The following SKOR2 variants were observed in gnomAD, a reference collection of about 807,000 sequenced individuals.
SKOR2 encodes the protein LBX1 corepressor 1-like protein.
A neutral mutation model predicts 69.1 loss-of-function variants in SKOR2; 47 were observed. That is an observed-to-expected ratio of 0.68 (90% CI 0.54 to 0.87). The LOEUF (loss-of-function observed/expected upper bound fraction) is 0.87, where lower values mean the gene tolerates loss of function less well. Among genes scored for constraint, SKOR2 ranks in the 40% least tolerant of loss-of-function variants. SKOR2 has a pLI of 0.00. For missense variants in SKOR2, 1,404 were observed against 1,472.2 expected, an observed-to-expected ratio of 0.95 and a Z score of 0.76; for synonymous variants, 717 against 672.6, an observed-to-expected ratio of 1.07 and a Z score of -1.02.
rs10670977 is a variant in SKOR2, at chr18:47,245,478, A to ATTTTTTTTTTTTTTTTTTTTTTTT, written c.2677+19_2677+20insAAAAAAAAAAAAAAAAAAAAAAAA. 2.0e-4 allele frequency: 234 copies of ATTTTTTTTTTTTTTTTTTTTTTTT among 1,198,204 alleles called. 5 individuals carry two copies. The highest frequency in any genetic ancestry group is 9.8e-4 in the African/African-American group (43 of 43,996). 74.2% of individuals were successfully genotyped at this position (1,198,204 alleles called of 1,614,324 possible). On this transcript the variant is annotated intron_variant, in intron 3 of 8. Transcript: ENST00000425639. ...ATGCAGGCAAGAAAAGTGGCAGCTGATTTTTTTTTTTTTTTTTACCTGAAA... is the reference window on the plus strand; with the variant it reads ...ATGCAGGCAAGAAAAGTGGCAGCTGATTTTTTTTTTTTTTTTTTTTTTTTTTTTTTTTTTTTTTTTTACCTGAAA...
chr18:47,233,069 G>A (rs918609417), intron 4 of SKOR2, among the ~76,000 whole-genome samples: 27 of 152,154 alleles, frequency 1.8e-4, no homozygotes, highest in African/African-American at 6.0e-4. Flanking sequence ...GTGTGTGTGT[G>A]TAGGTAAATA....
chr18:47,212,199 G>T (rs560040331), intron 7 of SKOR2, 48 bp from the exon 8 acceptor site: 1 of 1,228,366 alleles, frequency 8.1e-7, no homozygotes, highest in African/African-American at 1.6e-5. Context: ...TAGATTTGGA[G>T]ACAGATATGT....
intron 4 of SKOR2, among the ~76,000 whole-genome samples, chr18:47,235,557 C>T (rs1347887415): frequency 3.3e-5 from 5 of 152,074 alleles, no homozygotes; most frequent in Non-Finnish European, 7.4e-5. Flanking sequence ...ACCAGAGAGC[C>T]TGGAATGTCA....
At chr18:47,210,719 A>G (rs1177453804) in intron 8 of SKOR2, among the ~76,000 whole-genome samples, 1 of 152,174 alleles carries the variant, frequency 6.6e-6, no homozygotes, top group East Asian at 1.9e-4. Context: ...AACAGAGCCA[A>G]CCTCACGGGT....
At position 47,247,635 on chromosome 18, in the gene SKOR2, C is replaced by A; in HGVS notation, c.1549G>T (p.Gly517Cys). 7.4e-7 allele frequency: 1 copy of A among 1,345,118 alleles called. No individual in the cohort carries two copies. Among genetic ancestry groups the A allele is most frequent in the Non-Finnish European group, 9.5e-7 (1 of 1,050,968 alleles). 83.3% of individuals were successfully genotyped at this position (1,345,118 alleles called of 1,614,324 possible). A position where few individuals can be genotyped will look rare whatever the true frequency, so the allele number is the denominator to read the frequency against. The change falls in exon 2 of 9, where the codon GGC becomes TGC. Residue 517 changes from glycine to cysteine, a missense_variant. By Grantham distance (159) the Gly-to-Cys change is radical. Transcript: ENST00000425639. This position sits in a 1 kb window ranked among gnomAD's most constrained non-coding sequence, Gnocchi z 6.6. ...GCCTCGGCGCTCCCAGCAGCACCGC[C>A]TGGCTCAGCCAGGTCCAGGAAGGCC... The part of the protein sequence containing the change: ...RQAFLDLAEP[G>C]GAAGSAEAAP...
At position 47,247,218 on chromosome 18, in the gene SKOR2, G is replaced by T; in HGVS notation, c.1966C>A (p.His656Asn). The T allele has an allele frequency of 6.9e-7, 1 of 1,440,800 alleles. No homozygotes were observed. Among genetic ancestry groups the T allele is most frequent in the South Asian group, 1.4e-5 (1 of 72,994 alleles). 89.3% of individuals were successfully genotyped at this position (1,440,800 alleles called of 1,614,324 possible). Reference sequence around the variant, plus strand: ...TGGTGGTGGTGAGGGTGGTGATGGTGGTGGGGATGCGTCTGGGCCGAGTGG... The same window carrying T: ...TGGTGGTGGTGAGGGTGGTGATGGTTGTGGGGATGCGTCTGGGCCGAGTGG... ...APHSAQTHPH[H>N]HHHPHHHHHH... The change falls in exon 2 of 9, where the codon CAC becomes AAC. Residue 656 changes from histidine to asparagine, a missense_variant. Physicochemically the swap from His to Asn is moderately conservative, Grantham distance 68 (BLOSUM62 1). Around this residue, in one of 3 missense-constraint regions of SKOR2, gnomAD observed 1,266 missense variants for 1,309.9 expected, o/e 0.97. Transcript: ENST00000425639. This position sits in a 1 kb window ranked among gnomAD's most constrained non-coding sequence, Gnocchi z 6.6.
chr18:47,249,278 A>C, intron 1 of SKOR2, 48 bp from the exon 2 acceptor site: 2 of 1,389,804 alleles, frequency 1.4e-6, no homozygotes, highest in Non-Finnish European at 1.9e-6. Flanking sequence ...TCAGACTAAA[A>C]CAGAGGGGTG....
chr18:47,231,903 G>A (rs2064201310), intron 4 of SKOR2, among the ~76,000 whole-genome samples: 1 of 151,566 alleles, frequency 6.6e-6, no homozygotes, highest in African/African-American at 2.4e-5. Context: ...GTAATTGGGA[G>A]GCTGAGGCGG....
At chr18:47,229,350 T>A (rs780962672) in intron 6 of SKOR2, among the ~76,000 whole-genome samples, 3 of 152,102 alleles carry the variant, frequency 2.0e-5, no homozygotes, top group African/African-American at 7.2e-5. Flanking sequence ...TAAATATATA[T>A]AATTAGAAAA....
intron 6 of SKOR2, among the ~76,000 whole-genome samples, chr18:47,226,596 C>A (rs193132771): frequency 6.6e-6 from 1 of 152,260 alleles, no homozygotes; most frequent in East Asian, 1.9e-4. Context: ...AGTATTAAAA[C>A]AAGTTTCACT....
chr18:47,242,674 A>C (rs2064254257), intron 4 of SKOR2, among the ~76,000 whole-genome samples: 1 of 152,164 alleles, frequency 6.6e-6, no homozygotes, highest in Admixed American at 6.5e-5. Context: ...GATAAACGAA[A>C]TTCAGGGTTG....
Position 47,230,497 on chromosome 18 carries a change from A to G in SKOR2, c.2879T>C (p.Phe960Ser). Residue 960 changes from phenylalanine (F) to serine (S), a missense_variant, in exon 6 of 9, where the codon TTC becomes TCC. By Grantham distance (155) the Phe-to-Ser change is radical (BLOSUM62 -2). Transcript: ENST00000425639. ...AGATGTGTTTCCTTTTAACACCTGG[A>G]ATTCTTGTTCCAGTCGTCTCCGTAA... Reference protein sequence around the residue: ...IDLRRRLEQEFQVLKGNTSFP... With the variant: ...IDLRRRLEQESQVLKGNTSFP... 6.9e-7 allele frequency: 1 copy of G among 1,453,178 alleles called. No individual in the cohort carries two copies. Among genetic ancestry groups the G allele is most frequent in the Non-Finnish European group, 9.0e-7 (1 of 1,110,428 alleles). 90.0% of individuals were successfully genotyped at this position (1,453,178 alleles called of 1,614,324 possible). A position where few individuals can be genotyped will look rare whatever the true frequency, so the allele number is the denominator to read the frequency against.
rs1448392429 is a variant in SKOR2, at chr18:47,247,745, G to A, written c.1439C>T (p.Pro480Leu). 3 of 1,370,016 alleles carry A rather than the reference G, an allele frequency of 2.2e-6. No individual in the cohort carries two copies. Among genetic ancestry groups the A allele is most frequent in the African/African-American group, 1.5e-5 (1 of 64,980 alleles). 84.9% of individuals were successfully genotyped at this position (1,370,016 alleles called of 1,614,324 possible). ...FWPPRTPGGLPVPTYLQPPPQ... is the reference protein window; with the variant it reads ...FWPPRTPGGLLVPTYLQPPPQ... ...CGGGGGCTGCAGGTAGGTGGGCACCGGGAGCCCGCCAGGGGTCCGCGGCGG... is the reference window on the plus strand; with the variant it reads ...CGGGGGCTGCAGGTAGGTGGGCACCAGGAGCCCGCCAGGGGTCCGCGGCGG... The change falls in exon 2 of 9, where the codon CCG becomes CTG. Residue 480 changes from proline to leucine, a missense_variant. Around this residue, in one of 3 missense-constraint regions of SKOR2, gnomAD observed 1,266 missense variants for 1,309.9 expected, o/e 0.97. Coordinates refer to ENST00000425639, the MANE Select transcript of SKOR2 (RefSeq NM_001278063.4). This position sits in a 1 kb window ranked among gnomAD's most constrained non-coding sequence, Gnocchi z 6.6.
Position 47,249,143 on chromosome 18 carries a change from A to G in SKOR2, c.41T>C (p.Leu14Pro), listed in dbSNP as rs1319867808. ...SPLPGPNDIL[L>P]ASPSSAFQPD... ...CTGGAAGGCGCTCGACGGCGACGCC[A>G]GCAGGATGTCGTTGGGCCCTGGCAG... is the stretch of plus-strand genomic sequence containing the variant. Residue 14 changes from leucine to proline, a missense_variant, in exon 2 of 9, where the codon CTG becomes CCG. By Grantham distance (98) the Leu-to-Pro change is moderately conservative. Transcript: ENST00000425639. 1.3e-6 allele frequency: 2 copies of G among 1,535,702 alleles called. No individual in the cohort carries two copies. The highest frequency in any genetic ancestry group is 1.7e-6 in the Non-Finnish European group (2 of 1,146,652).
At chr18:47,220,458 G>A (rs571992033) in intron 6 of SKOR2, among the ~76,000 whole-genome samples, 1 of 152,140 alleles carries the variant, frequency 6.6e-6, no homozygotes, top group South Asian at 2.1e-4. Context: ...GTGAGTCTGT[G>A]AAAAATGCCT....
intron 7 of SKOR2, among the ~76,000 whole-genome samples, chr18:47,217,927 A>C (rs2064149179): frequency 6.6e-6 from 1 of 152,188 alleles, no homozygotes; most frequent in Admixed American, 6.5e-5. Context: ...TAGGAATGTG[A>C]ATTAACAACA....
intron 4 of SKOR2, among the ~76,000 whole-genome samples, chr18:47,240,749 T>C (rs2064244843): frequency 6.6e-6 from 1 of 152,214 alleles, no homozygotes; most frequent in Non-Finnish European, 1.5e-5. Flanking sequence ...CTAAACTGAA[T>C]TTTTTAAAGG....
chr18:47,247,336 G>T lies in SKOR2; in HGVS notation c.1848C>A (p.Gly616=). The T allele has an allele frequency of 6.8e-7, 1 of 1,475,056 alleles. No homozygotes were observed. Among genetic ancestry groups the T allele is most frequent in the East Asian group, 3.0e-5 (1 of 33,500 alleles). 91.4% of individuals were successfully genotyped at this position (1,475,056 alleles called of 1,614,324 possible). A position where few individuals can be genotyped will look rare whatever the true frequency, so the allele number is the denominator to read the frequency against. ...GGAAGGCGCTGGAATGGTGGTAGCT[G>T]CCACCGCCCGCTTTGCGCCCCTCCA... ...HLLEGRKAGG[G]SYHHSSAFRP... Residue 616 remains glycine, a synonymous_variant, in exon 2 of 9, where the codon GGC becomes GGA. Coordinates refer to ENST00000425639, the MANE Select transcript of SKOR2 (RefSeq NM_001278063.4). The surrounding 1 kb of genome is among the most constrained non-coding windows in gnomAD (Gnocchi z 6.6).
chr18:47,214,598 T>C (rs978507425), intron 7 of SKOR2, among the ~76,000 whole-genome samples: 6 of 152,210 alleles, frequency 3.9e-5, no homozygotes, highest in African/African-American at 1.4e-4. Flanking sequence ...GGAAACAACA[T>C]TATTTCACTG....
Sources: gnomAD v4.1 joint callset for allele counts (sites outside exome capture counted in the v4.1 genomes callset) on GRCh38, gnomAD v4.1.1 for gene constraint, gnomAD v4.1.1 regional missense constraint, Gnocchi (gnomAD v3.1) non-coding constraint, MANE v1.5 for transcripts, NCBI Gene and HGNC (gene_info 2026-07-23, HGNC 2026-07-21) for gene names.